Variants in PDGFRA observed in about 807,000 individuals in gnomAD.
The protein encoded by PDGFRA is platelet derived growth factor receptor alpha.
Under a neutral mutation model 121.5 loss-of-function variants are expected in PDGFRA, and 25 were observed. That is an observed-to-expected ratio of 0.21 (90% CI 0.15 to 0.29). The LOEUF (loss-of-function observed/expected upper bound fraction) is 0.29, where lower values mean the gene tolerates loss of function less well. Ranked by LOEUF, PDGFRA falls within the 10% of genes least tolerant of loss-of-function variation. PDGFRA has a pLI of 1.00. For missense variants in PDGFRA, 1,008 were observed against 1,345.1 expected (o/e 0.75, Z 3.92); for synonymous variants, 463 against 494.8 (o/e 0.94, Z 0.85).
At chr4:54,263,499 T>A (rs1448328925) in intron 3 of PDGFRA, among the ~76,000 whole-genome samples, 168 bp from the exon 4 acceptor site, 1 of 152,194 alleles carries the variant, frequency 6.6e-6, no homozygotes, top group Admixed American at 6.5e-5. Context: ...AAAAATCACT[T>A]TGTAGCTGTC....
At chr4:54,258,029 C>T (rs780295745) in intron 1 of PDGFRA, among the ~76,000 whole-genome samples, 4 of 152,176 alleles carry the variant, frequency 2.6e-5, no homozygotes, top group Non-Finnish European at 5.9e-5. Flanking sequence ...TGATCAGCCT[C>T]CTTCTAATTT....
chr4:54,264,498 G>A (rs920345176), intron 4 of PDGFRA: 2 of 276,892 alleles, frequency 7.2e-6, no homozygotes, highest in African/African-American at 4.5e-5. Flanking sequence ...GGAAAGTACT[G>A]AGAATAACTG....
intron 16 of PDGFRA, chr4:54,281,805 G>A: frequency 1.6e-6 from 2 of 1,259,024 alleles, no homozygotes; most frequent in Non-Finnish European, 2.0e-6. Context: ...CTTCCAGATG[G>A]GACTAACTGG....
Position 54,295,431 on chromosome 4 carries a change from A to C in PDGFRA, c.*159A>C, listed in dbSNP as rs1224105203. ...TCGGGGAGCGTTCTAAATATGAATG[A>C]ATGGGATATTTTGAAATGAACTTTG... On this transcript the variant is annotated 3_prime_UTR_variant, in exon 23 of 23. Transcript: ENST00000257290. 2 of 661,172 alleles carry C rather than the reference A, an allele frequency of 3.0e-6. No homozygotes were observed. Among genetic ancestry groups the C allele is most frequent in the Non-Finnish European group, 5.3e-6 (2 of 377,098 alleles). The allele number at this position is 661,172 out of a possible 1,614,324, so 41.0% of individuals were successfully genotyped here.
chr4:54,257,117 C>T (rs953630914), intron 1 of PDGFRA, among the ~76,000 whole-genome samples: 1 of 152,178 alleles, frequency 6.6e-6, no homozygotes, highest in African/African-American at 2.4e-5. Flanking sequence ...TGAAAGTGAC[C>T]TCTGGTCATC....
chr4:54,274,984 T>C lies in PDGFRA; in HGVS notation c.1786+11T>C, dbSNP rs2110300988. 5 of 1,613,984 alleles carry C rather than the reference T, an allele frequency of 3.1e-6. No individual in the cohort carries two copies. Among genetic ancestry groups the C allele is most frequent in the East Asian group, 2.2e-5 (1 of 44,878 alleles). On this transcript the variant is annotated intron_variant, in intron 12 of 22. Coordinates refer to ENST00000257290, the MANE Select transcript of PDGFRA (RefSeq NM_006206.6). The stretch of plus-strand genomic sequence containing the variant: ...ATGGACTAGTGCTTGGTAAGTTCCA[T>C]GGGGTAACCTCCCAAGACTCCCTTT...
intron 1 of PDGFRA, among the ~76,000 whole-genome samples, chr4:54,250,437 G>A (rs1214909044): frequency 6.6e-6 from 1 of 152,120 alleles, no homozygotes; most frequent in African/African-American, 2.4e-5. Flanking sequence ...AATCATACAG[G>A]AAGCACTTTC....
chr4:54,231,129 C>T (rs1046164605), intron 1 of PDGFRA, among the ~76,000 whole-genome samples: 7 of 152,318 alleles, frequency 4.6e-5, no homozygotes, highest in Admixed American at 1.3e-4. Context: ...CGGTCCCGCA[C>T]TTCGCTCCCC....
intron 6 of PDGFRA, 33 bp downstream of exon 6, chr4:54,267,493 A>C: frequency 6.2e-7 from 1 of 1,613,888 alleles, no homozygotes. Flanking sequence ...TCAGTTGTCC[A>C]TGCTGCTCGG....
rs376601014 is a variant in PDGFRA, at chr4:54,246,228, C to A, written c.-12-12529C>A. Among the ~76,000 whole-genome samples the A allele has an allele frequency of 3.4e-3, 516 of 152,282 alleles. 4 individuals carry two copies. Among genetic ancestry groups the A allele is most frequent in the African/African-American group, 0.011 (476 of 41,540 alleles). On this transcript the variant is annotated intron_variant, in intron 1 of 22. Transcript: ENST00000257290. ...TGCACCAAGCGGACCTAATAGACAT[C>A]TACAGAACTCTCCACCCCAAATCAA...
intron 10 of PDGFRA, 133 bp downstream of exon 10, chr4:54,273,863 GT>G: frequency 1.3e-6 from 1 of 745,942 alleles, no homozygotes; most frequent in Non-Finnish European, 2.3e-6. Context: ...TGCTCTTAAA[GT>G]CATGTGGGAC....
Position 54,295,202 on chromosome 4 carries a change from T to C in PDGFRA, c.3200T>C (p.Ile1067Thr), listed in dbSNP as rs1346616192. 9.9e-6 allele frequency: 16 copies of C among 1,613,690 alleles called. No individual in the cohort carries two copies. Among genetic ancestry groups the C allele is most frequent in the Non-Finnish European group, 1.3e-5 (15 of 1,179,740 alleles). The change falls in exon 23 of 23, where the codon ATT (isoleucine) becomes ACT (threonine). Residue 1067 changes from isoleucine (I) to threonine (T), a missense_variant. Physicochemically the swap from Ile to Thr is moderately conservative, Grantham distance 89 (BLOSUM62 -1). Around this residue, in one of 5 missense-constraint regions of PDGFRA, gnomAD observed 204 missense variants for 243.0 expected, o/e 0.84. Transcript: ENST00000257290. ...TTCATCAAGAGAGAGGACGAGACCA[T>C]TGAAGACATCGACATGATGGATGAC... The part of the protein sequence containing the change: ...STFIKREDET[I>T]EDIDMMDDIG...
Position 54,297,998 on chromosome 4 carries a change from T to C in PDGFRA, c.*2726T>C, listed in dbSNP as rs1724960773. 1 of 231,356 alleles carries C rather than the reference T, an allele frequency of 4.3e-6. No individual in the cohort carries two copies. The highest frequency in any genetic ancestry group is 8.6e-6 in the Non-Finnish European group (1 of 116,640). The allele number at this position is 231,356 out of a possible 1,614,324, so 14.3% of individuals were successfully genotyped here. ...CTGCCTTCGTTTATATTTTTTTAAC[T>C]GTGATAATCCCCACAGGCACATTAA... On this transcript the variant is annotated 3_prime_UTR_variant, in exon 23 of 23. Coordinates refer to ENST00000257290, the MANE Select transcript of PDGFRA (RefSeq NM_006206.6).
In PDGFRA at chr4:54,296,365, A is replaced by G. The variant is rs1724878953; in HGVS notation, c.*1093A>G. 7.8e-6 allele frequency: 1 copy of G among 128,458 alleles called. No homozygotes were observed. The highest frequency in any genetic ancestry group is 5.7e-5 in the African/African-American group (1 of 17,520). 8.0% of individuals were successfully genotyped at this position (128,458 alleles called of 1,614,324 possible). On this transcript the variant is annotated 3_prime_UTR_variant, in exon 23 of 23. Coordinates refer to ENST00000257290, the MANE Select transcript of PDGFRA (RefSeq NM_006206.6). ...ATCAGCAAAAAGACTGGATTTGCAG[A>G]AGTTTTTTTTTTTTTTTTCTTCATG...
At chr4:54,256,014 G>C (rs61324309) in intron 1 of PDGFRA, among the ~76,000 whole-genome samples, 5,615 of 152,130 alleles carry the variant, frequency 0.037, 348 homozygotes, top group African/African-American at 0.13. Context: ...GGCCTGCTGG[G>C]CTGCATTCCC....
At chr4:54,268,759 G>T (rs1723173891) in intron 7 of PDGFRA, among the ~76,000 whole-genome samples, 5 of 152,150 alleles carry the variant, frequency 3.3e-5, no homozygotes, top group Admixed American at 1.3e-4. Flanking sequence ...CAACAAGGAG[G>T]GCAGCTTTCC....
intron 18 of PDGFRA, among the ~76,000 whole-genome samples, chr4:54,286,378 CAG>C (rs1560490112): frequency 6.7e-6 from 1 of 149,984 alleles, no homozygotes; most frequent in African/African-American, 2.4e-5. Flanking sequence ...TTTTTTGAGA[CAG>C]AGTCTCACTC....
rs746397815 is a variant in PDGFRA at position 54,273,689 on chromosome 4, T to C, written c.1517T>C (p.Leu506Pro). ...TIAVRCLAKN[L>P]LGAENRELKL... Reference sequence around the variant, plus strand: ...GCCGTGCGATGCCTGGCTAAGAATCTCCTTGGAGCTGAGAACCGAGAGCTG... The same window carrying C: ...GCCGTGCGATGCCTGGCTAAGAATCCCCTTGGAGCTGAGAACCGAGAGCTG... The change falls in exon 10 of 23, where the codon CTC becomes CCC. Residue 506 changes from leucine to proline, a missense_variant. By Grantham distance (98) the Leu-to-Pro change is moderately conservative (BLOSUM62 -3). Coordinates refer to ENST00000257290, the MANE Select transcript of PDGFRA (RefSeq NM_006206.6). 6.2e-7 allele frequency: 1 copy of C among 1,613,934 alleles called. No individual in the cohort carries two copies. The highest frequency in any genetic ancestry group is 1.7e-5 in the Admixed American group (1 of 60,022).
chr4:54,273,829 C>G lies in PDGFRA; in HGVS notation c.1558+99C>G, dbSNP rs867403727. The stretch of plus-strand genomic sequence containing the variant: ...TAGGGGTTATATAGAAATGAAGGTC[C>G]CAAGGCAGAAATTCAGTTATGAATG... On this transcript the variant is annotated intron_variant, in intron 10 of 22. Transcript: ENST00000257290. 4.3e-6 allele frequency: 4 copies of G among 929,684 alleles called. No individual in the cohort carries two copies. The Middle Eastern group carries it at 9.5e-4, about 220-fold the overall frequency. 57.6% of individuals were successfully genotyped at this position (929,684 alleles called of 1,614,324 possible).
Sources: gnomAD v4.1 joint callset for allele counts (sites outside exome capture counted in the v4.1 genomes callset) on GRCh38, gnomAD v4.1.1 for gene constraint, gnomAD v4.1.1 regional missense constraint, MANE v1.5 for transcripts, NCBI Gene and HGNC (gene_info 2026-07-23, HGNC 2026-07-21) for gene names.